STRN: variants seen among roughly 807,000 people sequenced by gnomAD.
STRN encodes the protein striatin.
Under a neutral mutation model 96.3 loss-of-function variants are expected in STRN, and 53 were observed. That is an observed-to-expected ratio of 0.55 (90% CI 0.44 to 0.69). STRN has a LOEUF of 0.69. Among genes scored for constraint, STRN ranks in the 30% least tolerant of loss-of-function variants. The pLI is 0.00. For synonymous variants in STRN, 428 were observed against 355.9 expected (o/e 1.20, Z -2.28); for missense variants, 987 against 963.9 (o/e 1.02, Z -0.32).
intron 10 of STRN, among the ~76,000 whole-genome samples, chr2:36,873,263 C>T (rs576085021): frequency 6.6e-6 from 1 of 152,200 alleles, no homozygotes; most frequent in East Asian, 1.9e-4. Context: ...GTTATTTCTA[C>T]AGACAACTTT....
rs1465905715 is a variant in STRN, at chr2:36,845,944, CACACACACTA to C, written c.*3502_*3511del. On this transcript the variant is annotated 3_prime_UTR_variant, in exon 18 of 18. Coordinates refer to ENST00000263918, the MANE Select transcript of STRN (RefSeq NM_003162.4). ...ACACACACACACACACACACACACACACACACACTAACTCTCTCTCTCTCTCTGTGCCCCC... is the reference window on the plus strand; with the variant it reads ...ACACACACACACACACACACACACACACTCTCTCTCTCTCTCTGTGCCCCC... 5 of 141,618 alleles carry C rather than the reference CACACACACTA, an allele frequency of 3.5e-5. No individual in the cohort carries two copies. The highest frequency in any genetic ancestry group is 5.2e-5 in the African/African-American group (2 of 38,130). The allele number at this position is 141,618 out of a possible 1,614,324, so 8.8% of individuals were successfully genotyped here.
chr2:36,868,869 G>T (rs922534935), intron 11 of STRN, among the ~76,000 whole-genome samples: 30 of 148,050 alleles, frequency 2.0e-4, no homozygotes, highest in African/African-American at 7.4e-4. Context: ...GCAGATGCTG[G>T]TTCTTTTTTT....
At chr2:36,868,566 T>C (rs922482882) in intron 11 of STRN, among the ~76,000 whole-genome samples, 1 of 152,210 alleles carries the variant, frequency 6.6e-6, no homozygotes, top group Non-Finnish European at 1.5e-5. Flanking sequence ...CGCATAGACA[T>C]GTTATCTCAC....
At chr2:36,899,449 G>C in intron 6 of STRN, 74 bp downstream of exon 6, 1 of 1,275,746 alleles carries the variant, frequency 7.8e-7, no homozygotes, top group Non-Finnish European at 1.0e-6. Flanking sequence ...AAAGAACATG[G>C]ATTCTTTTAT....
chr2:36,905,434 G>C, intron 4 of STRN, 106 bp downstream of exon 4: 2 of 987,282 alleles, frequency 2.0e-6, no homozygotes, highest in African/African-American at 1.6e-5. Flanking sequence ...CACAGCATCT[G>C]TATGAGATAA....
Position 36,838,537 on chromosome 2 carries a change from TTC to T in STRN, c.*10917_*10918del, listed in dbSNP as rs1476644576. Among the ~76,000 whole-genome samples, 151 of 152,352 alleles carry T rather than the reference TTC, an allele frequency of 9.9e-4. No homozygotes were observed. Among genetic ancestry groups the T allele is most frequent in the Non-Finnish European group, 1.2e-3 (80 of 68,018 alleles). On this transcript the variant is annotated 3_prime_UTR_variant, in exon 18 of 18. Transcript: ENST00000263918. ...AATCACTACATCCACCAGGATTTTT[TTC>T]TTTTTTCTACGTATTTTTTAATGTT...
intron 13 of STRN, among the ~76,000 whole-genome samples, chr2:36,858,648 C>T (rs1452491649): frequency 6.6e-6 from 1 of 152,118 alleles, no homozygotes; most frequent in African/African-American, 2.4e-5. Context: ...AATTGGAAAC[C>T]TTATTAATCT....
intron 1 of STRN, among the ~76,000 whole-genome samples, chr2:36,943,059 A>G (rs1001253870): frequency 6.6e-6 from 1 of 152,108 alleles, no homozygotes; most frequent in Admixed American, 6.6e-5. Context: ...ATGATTATTA[A>G]TAATACTTTT....
At chr2:36,867,359 C>A (rs78429093) in intron 12 of STRN, 6,020 of 151,888 alleles carry the variant, frequency 0.04, 186 homozygotes, top group East Asian at 0.13. Flanking sequence ...TGGGCAACAG[C>A]GTGAGACCCC....
chr2:36,867,242 G>A (rs971273590), intron 12 of STRN, among the ~76,000 whole-genome samples: 4 of 152,052 alleles, frequency 2.6e-5, no homozygotes, highest in Non-Finnish European at 5.9e-5. Context: ...GGGAGGCTGA[G>A]GTGGGTGGAT....
chr2:36,966,201 G>A (rs1327327330), intron 1 of STRN, 29 bp downstream of exon 1: 2 of 1,519,880 alleles, frequency 1.3e-6, no homozygotes, highest in Admixed American at 2.1e-5. Context: ...GAGGCGGGAT[G>A]AAGACGGCCA....
chr2:36,869,526 AAAT>A (rs1668711101), intron 11 of STRN, 25 bp downstream of exon 11: 1 of 1,448,500 alleles, frequency 6.9e-7, no homozygotes, highest in African/African-American at 1.5e-5. Flanking sequence ...TAAAATATTC[AAAT>A]AATGTTAAAG....
intron 2 of STRN, among the ~76,000 whole-genome samples, chr2:36,923,860 G>A (rs1670328921): frequency 6.6e-6 from 1 of 152,006 alleles, no homozygotes; most frequent in Admixed American, 6.6e-5. Context: ...AACTCAGATT[G>A]TCGACAAAAA....
At position 36,948,081 on chromosome 2, in the gene STRN, C is replaced by CTTTTTTTTTTTTTTTT. The variant is rs553351693; in HGVS notation, c.234+18133_234+18148dup. 1.0e-4 allele frequency among the ~76,000 whole-genome samples: 7 copies of CTTTTTTTTTTTTTTTT among 68,112 alleles called. 2 individuals carry two copies. Among genetic ancestry groups the CTTTTTTTTTTTTTTTT allele is most frequent in the African/African-American group, 1.9e-4 (3 of 15,862 alleles). 44.7% of individuals were successfully genotyped at this position (68,112 alleles called of 152,430 possible). On this transcript the variant is annotated intron_variant, in intron 1 of 17. Transcript: ENST00000263918. ...TCTCCTCTATAATTATCAGTGCACT[C>CTTTTTTTTTTTTTTTT]TTTTTTTTTTTTTTTTTTTTTTTTT...
intron 10 of STRN, among the ~76,000 whole-genome samples, chr2:36,874,476 G>A (rs1407649498): frequency 6.6e-6 from 1 of 152,058 alleles, no homozygotes; most frequent in African/African-American, 2.4e-5. Flanking sequence ...AGGTGCTAGA[G>A]TGGTACTCGA....
At chr2:36,854,425 T>C (rs1668294099) in intron 15 of STRN, among the ~76,000 whole-genome samples, 1 of 151,994 alleles carries the variant, frequency 6.6e-6, no homozygotes, top group South Asian at 2.1e-4. Flanking sequence ...AAGAAAACAA[T>C]GAACAACAGG....
intron 1 of STRN, among the ~76,000 whole-genome samples, chr2:36,935,822 A>C (rs1670687501): frequency 6.6e-6 from 1 of 152,248 alleles, no homozygotes; most frequent in Non-Finnish European, 1.5e-5. Flanking sequence ...GAACATACGA[A>C]GTAGAAGTAT....
At chr2:36,961,002 T>C (rs557998899) in intron 1 of STRN, among the ~76,000 whole-genome samples, 1 of 151,372 alleles carries the variant, frequency 6.6e-6, no homozygotes, top group Admixed American at 6.6e-5. Context: ...GCTCAAGCAA[T>C]CCTCCCATCT....
chr2:36,945,097 C>T (rs1253132429), intron 1 of STRN, among the ~76,000 whole-genome samples: 2 of 151,938 alleles, frequency 1.3e-5, no homozygotes, highest in South Asian at 2.1e-4. Flanking sequence ...ATTTAATATA[C>T]ATAAAACATC....
Sources: gnomAD v4.1 joint callset for allele counts (sites outside exome capture counted in the v4.1 genomes callset) on GRCh38, gnomAD v4.1.1 for gene constraint, MANE v1.5 for transcripts, NCBI Gene and HGNC (gene_info 2026-07-23, HGNC 2026-07-21) for gene names.